Variants in ROBO2 observed in about 807,000 individuals in gnomAD.
ROBO2 encodes roundabout homolog 2.
ROBO2 carries 53 observed loss-of-function variants against 160.8 expected under a neutral mutation model. The ratio of observed to expected loss-of-function variants is 0.33; its 90% CI spans 0.26 to 0.41. The LOEUF (loss-of-function observed/expected upper bound fraction) is 0.41, where lower values mean the gene tolerates loss of function less well. Ranked by LOEUF, ROBO2 falls within the 10% of genes least tolerant of loss-of-function variation. ROBO2 has a pLI of 1.00. For synonymous variants in ROBO2, 664 were observed against 611.7 expected, an observed-to-expected ratio of 1.09 and a Z score of -1.26; for missense variants, 1,577 against 1,722.4, an observed-to-expected ratio of 0.92 and a Z score of 1.49.
chr3:77,210,207 C>T (rs2083944541), intron 2 of ROBO2, among the ~76,000 whole-genome samples: 1 of 151,638 alleles, frequency 6.6e-6, no homozygotes, highest in South Asian at 2.1e-4. Context: ...GTACAAATAT[C>T]TCAATTTTCC....
chr3:77,185,699 A>T (rs1345029141), intron 2 of ROBO2, among the ~76,000 whole-genome samples: 1 of 151,968 alleles, frequency 6.6e-6, no homozygotes, highest in Non-Finnish European at 1.5e-5. Context: ...TATGAAAAAG[A>T]TAACTGCATG....
intron 2 of ROBO2, among the ~76,000 whole-genome samples, chr3:76,109,665 G>T (rs1455326557): frequency 6.6e-6 from 1 of 151,872 alleles, no homozygotes; most frequent in East Asian, 1.9e-4. Context: ...TATTTTTTCA[G>T]AAATTTTTTT....
chr3:76,635,603 C>T (rs115768434), intron 2 of ROBO2, among the ~76,000 whole-genome samples: 2 of 152,294 alleles, frequency 1.3e-5, no homozygotes, highest in Non-Finnish European at 2.9e-5. Flanking sequence ...TCTTTCATTA[C>T]CTTTGAACTT....
chr3:76,629,168 G>C (rs1578690295), intron 2 of ROBO2, among the ~76,000 whole-genome samples: 1 of 152,110 alleles, frequency 6.6e-6, no homozygotes, highest in East Asian at 1.9e-4. Context: ...TGACACAAAT[G>C]GTTCAAAAAA....
At chr3:76,542,076 A>G (rs573835975) in intron 2 of ROBO2, among the ~76,000 whole-genome samples, 66 of 152,184 alleles carry the variant, frequency 4.3e-4, no homozygotes, top group Non-Finnish European at 2.9e-5. Flanking sequence ...GTCTTCTCAA[A>G]GGCTTCAGTG....
At chr3:76,828,301 A>G (rs1464220987) in intron 2 of ROBO2, among the ~76,000 whole-genome samples, 1 of 152,052 alleles carries the variant, frequency 6.6e-6, no homozygotes, top group East Asian at 1.9e-4. Context: ...TAATTCCTTT[A>G]TACACTTTAT....
At chr3:76,948,898 ATATATATATAT>A (rs1299452474) in intron 2 of ROBO2, among the ~76,000 whole-genome samples, 9 of 31,374 alleles carry the variant, frequency 2.9e-4, no homozygotes, top group African/African-American at 8.8e-4. Context: ...ATATATATAT[ATATATATATAT>A]TTTTTTTTTT....
chr3:76,316,153 T>A (rs1366569065), intron 2 of ROBO2, among the ~76,000 whole-genome samples: 1 of 152,118 alleles, frequency 6.6e-6, no homozygotes, highest in Non-Finnish European at 1.5e-5. Context: ...GATAAACATC[T>A]TAACAGGAAA....
intron 1 of ROBO2, among the ~76,000 whole-genome samples, chr3:75,907,907 G>A (rs1056568685): frequency 2.7e-5 from 4 of 150,880 alleles, no homozygotes; most frequent in Non-Finnish European, 5.9e-5. Flanking sequence ...ATTCCTTGGA[G>A]GTATTATGAC....
chr3:77,637,398 T>C (rs1187274390), intron 24 of ROBO2, among the ~76,000 whole-genome samples: 1 of 152,222 alleles, frequency 6.6e-6, no homozygotes, highest in Non-Finnish European at 1.5e-5. Flanking sequence ...AAGCCAAATA[T>C]ATTGTTCTAC....
At chr3:76,218,894 A>G (rs1347304116) in intron 2 of ROBO2, among the ~76,000 whole-genome samples, 4 of 152,128 alleles carry the variant, frequency 2.6e-5, no homozygotes, top group Admixed American at 1.3e-4. Context: ...GAGGCATCAC[A>G]CTACCTGACT....
At chr3:77,244,420 A>G (rs1012811264) in intron 2 of ROBO2, among the ~76,000 whole-genome samples, 24 of 152,260 alleles carry the variant, frequency 1.6e-4, no homozygotes, top group African/African-American at 5.8e-4. Flanking sequence ...AGATAGGAAA[A>G]CGTTTAGCAT....
Position 76,805,703 on chromosome 3 carries a change from T to C in ROBO2, c.110-292311T>C, listed in dbSNP as rs576959978. Among the ~76,000 whole-genome samples, 11 of 151,462 alleles carry C rather than the reference T, an allele frequency of 7.3e-5. No individual in the cohort carries two copies. The East Asian group carries it at 1.4e-3, about 19-fold the overall frequency. On this transcript the variant is annotated intron_variant, in intron 2 of 26. Coordinates refer to the ROBO2 transcript ENST00000487694. ...GTGTGTGTGTGTGTGTGTGTGAATT[T>C]AAGTGTATTCCAACCTACTGGTATT...
intron 2 of ROBO2, among the ~76,000 whole-genome samples, chr3:76,313,337 G>C (rs927798685): frequency 2.6e-5 from 4 of 152,196 alleles, no homozygotes; most frequent in African/African-American, 7.2e-5. Context: ...CTTGGCTATT[G>C]ATGGTGGTGT....
At chr3:77,394,213 C>T (rs543961101) in intron 2 of ROBO2, among the ~76,000 whole-genome samples, 97 of 152,276 alleles carry the variant, frequency 6.4e-4, no homozygotes, top group African/African-American at 2.2e-3. Flanking sequence ...TCCCTGCTGC[C>T]ACTTAGAAGA....
chr3:77,297,392 A>G (rs1309119321), intron 2 of ROBO2, among the ~76,000 whole-genome samples: 1 of 152,146 alleles, frequency 6.6e-6, no homozygotes, highest in Non-Finnish European at 1.5e-5. Context: ...GATCTTAGAC[A>G]TGAACTAGAG....
intron 2 of ROBO2, among the ~76,000 whole-genome samples, chr3:76,183,415 C>A (rs1575781202): frequency 6.6e-6 from 1 of 152,116 alleles, no homozygotes; most frequent in African/African-American, 2.4e-5. Context: ...TAGCACGGTA[C>A]TTGTGGCTAT....
intron 2 of ROBO2, among the ~76,000 whole-genome samples, chr3:76,622,239 A>AAGGAAGGAAGGAAGGAAGGAAGG: frequency 3.1e-5 from 1 of 32,650 alleles, no homozygotes; most frequent in African/African-American, 1.4e-4. Flanking sequence ...AGGAAGGAAG[A>AAGGAAGGAAGGAAGGAAGGAAGG]AAGAAAGAAA....
chr3:77,178,135 A>G (rs2080336203), intron 2 of ROBO2, among the ~76,000 whole-genome samples: 1 of 152,010 alleles, frequency 6.6e-6, no homozygotes, highest in South Asian at 2.1e-4. Context: ...ACATCACAGA[A>G]GATAAGGGGT....
Sources: gnomAD v4.1 joint callset for allele counts (sites outside exome capture counted in the v4.1 genomes callset) on GRCh38, gnomAD v4.1.1 for gene constraint, MANE v1.5 for transcripts, NCBI Gene and HGNC (gene_info 2026-07-23, HGNC 2026-07-21) for gene names.